Variants in MYBPC1 observed in about 807,000 individuals in gnomAD.
MYBPC1 encodes myosin-binding protein C, slow-type.
A neutral mutation model predicts 147.1 loss-of-function variants in MYBPC1; 52 were observed. The observed-to-expected ratio is 0.35, with a 90% confidence interval of 0.28 to 0.45. The LOEUF is 0.45. MYBPC1 is among the 20% of genes least tolerant of loss of function. The pLI is 1.00. For synonymous variants in MYBPC1, 477 were observed against 475.9 expected, an observed-to-expected ratio of 1.00 and a Z score of -0.03; for missense variants, 1,228 against 1,440.3, an observed-to-expected ratio of 0.85 and a Z score of 2.39.
chr12:101,633,652 A>G (rs1593796151), intron 8 of MYBPC1, among the ~76,000 whole-genome samples: 1 of 150,362 alleles, frequency 6.7e-6, no homozygotes, highest in Admixed American at 6.7e-5. Flanking sequence ...GCGCCATTGC[A>G]CTCCAGCCTG....
chr12:101,604,347 A>G (rs1447615350), intron 1 of MYBPC1, among the ~76,000 whole-genome samples: 1 of 152,246 alleles, frequency 6.6e-6, no homozygotes, highest in African/African-American at 2.4e-5. Context: ...AGGTTGAATA[A>G]TGAGTCATTG....
intron 19 of MYBPC1, 21 bp downstream of exon 19, chr12:101,659,852 C>T: frequency 6.2e-7 from 1 of 1,613,718 alleles, no homozygotes; most frequent in Non-Finnish European, 8.5e-7. Flanking sequence ...CAGGTAAACG[C>T]ACTTCTAGAA....
intron 9 of MYBPC1, among the ~76,000 whole-genome samples, chr12:101,636,252 G>A (rs1296742582): frequency 2.0e-5 from 3 of 152,104 alleles, no homozygotes; most frequent in South Asian, 4.2e-4. Flanking sequence ...GGTACACTTC[G>A]TCCTCCAAGC....
chr12:101,670,099 T>A lies in MYBPC1; in HGVS notation c.2525-222T>A, dbSNP rs1898292979. On this transcript the variant is annotated intron_variant, in intron 23 of 31. Coordinates refer to ENST00000361466, the MANE Select transcript of MYBPC1 (RefSeq NM_002465.4). ...AGGGATAAATTTTGCTGAGTCAAAC[T>A]GTTAAAACATCTCTGTGTGGAAACC... 33 of 599,652 alleles carry A rather than the reference T, an allele frequency of 5.5e-5. No homozygotes were observed. In the East Asian group the frequency reaches 9.5e-4, roughly 17 times the overall value. 37.1% of individuals were successfully genotyped at this position (599,652 alleles called of 1,614,324 possible). A position where few individuals can be genotyped will look rare whatever the true frequency, so the allele number is the denominator to read the frequency against.
intron 24 of MYBPC1, among the ~76,000 whole-genome samples, chr12:101,670,733 C>T (rs911398606): frequency 6.6e-6 from 1 of 152,114 alleles, no homozygotes; most frequent in Admixed American, 6.6e-5. Flanking sequence ...CTCTTTTGGT[C>T]CTATACGTTT....
intron 15 of MYBPC1, among the ~76,000 whole-genome samples, chr12:101,650,498 A>T (rs1894214576): frequency 6.6e-6 from 1 of 152,208 alleles, no homozygotes; most frequent in Non-Finnish European, 1.5e-5. Flanking sequence ...ACCAAGCAAA[A>T]TGGCAAAAGT....
chr12:101,659,713 C>A lies in MYBPC1; in HGVS notation c.1809C>A (p.Tyr603Ter). 1 of 1,614,056 alleles carries A rather than the reference C, an allele frequency of 6.2e-7. No homozygotes were observed. Among genetic ancestry groups the A allele is most frequent in the Non-Finnish European group, 8.5e-7 (1 of 1,179,992 alleles). ...GTGGCCGGATAAGAACAGAATCTTACCCTGATAGCAGCACTCTGGTCATTG... is the reference window on the plus strand; with the variant it reads ...GTGGCCGGATAAGAACAGAATCTTAACCTGATAGCAGCACTCTGGTCATTG... ...EGSGRIRTES[Y>*]PDSSTLVIDI... Residue 603 changes from tyrosine (Y) to a stop codon, truncating the protein, a stop_gained, in exon 19 of 32, where the codon TAC (tyrosine) becomes TAA (stop). Coordinates refer to ENST00000361466, the MANE Select transcript of MYBPC1 (RefSeq NM_002465.4). LOFTEE classifies it high-confidence loss of function.
chr12:101,646,673 T>A (rs1172026422), intron 12 of MYBPC1, 90 bp from the exon 13 acceptor site: 1 of 1,453,154 alleles, frequency 6.9e-7, no homozygotes. Flanking sequence ...TTTCAAACAC[T>A]ACCAAATTAT....
intron 10 of MYBPC1, among the ~76,000 whole-genome samples, chr12:101,642,084 A>C (rs915222587): frequency 6.6e-6 from 1 of 152,224 alleles, no homozygotes; most frequent in Non-Finnish European, 1.5e-5. Context: ...TAAGTTTCTC[A>C]AAATCCCATC....
intron 18 of MYBPC1, 125 bp downstream of exon 18, chr12:101,653,373 A>G: frequency 7.8e-7 from 1 of 1,279,092 alleles, no homozygotes; most frequent in Non-Finnish European, 1.1e-6. Flanking sequence ...GCAGTACAGT[A>G]AAGATGTAAT....
chr12:101,623,221 C>A (rs1245524397), intron 3 of MYBPC1, among the ~76,000 whole-genome samples: 3 of 152,084 alleles, frequency 2.0e-5, no homozygotes, highest in Non-Finnish European at 4.4e-5. Flanking sequence ...CGTCTGTAGT[C>A]TCAGCTACTC....
rs1478719185 is a variant in MYBPC1 at position 101,660,059 on chromosome 12, T to C, written c.1927+228T>C. 5.3e-5 allele frequency: 30 copies of C among 565,988 alleles called. No individual in the cohort carries two copies. The South Asian group carries it at 5.4e-4, about 10-fold the overall frequency. The allele number at this position is 565,988 out of a possible 1,614,324, so 35.1% of individuals were successfully genotyped here. A position where few individuals can be genotyped will look rare whatever the true frequency, so the allele number is the denominator to read the frequency against. Reference sequence around the variant, plus strand: ...AGTCATATTCCCTTTTGGTGCCCTTTAAACATCACTGAAACACAATTGCTA... The same window carrying C: ...AGTCATATTCCCTTTTGGTGCCCTTCAAACATCACTGAAACACAATTGCTA... On this transcript the variant is annotated intron_variant, in intron 19 of 31. Transcript: ENST00000361466.
chr12:101,630,823 A>G (rs1889733358), intron 6 of MYBPC1, among the ~76,000 whole-genome samples: 1 of 152,236 alleles, frequency 6.6e-6, no homozygotes, highest in Non-Finnish European at 1.5e-5. Flanking sequence ...AATTTTAACC[A>G]AATAAATCTT....
intron 24 of MYBPC1, 127 bp from the exon 25 acceptor site, chr12:101,673,300 G>A: frequency 3.3e-6 from 3 of 906,898 alleles, no homozygotes; most frequent in Non-Finnish European, 5.4e-6. Context: ...CTCACCACCA[G>A]ACTAGAAGGG....
chr12:101,642,280 T>A, intron 10 of MYBPC1, 139 bp from the exon 11 acceptor site: 1 of 874,228 alleles, frequency 1.1e-6, no homozygotes. Context: ...AAGCAAGACT[T>A]GACTTCTGGG....
At chr12:101,600,171 G>A (rs189459271) in intron 1 of MYBPC1, among the ~76,000 whole-genome samples, 1 of 152,314 alleles carries the variant, frequency 6.6e-6, no homozygotes, top group Admixed American at 6.5e-5. Flanking sequence ...ACTGTGGACT[G>A]GTCAAAGGTG....
chr12:101,644,370 C>T (rs368529524), intron 11 of MYBPC1, among the ~76,000 whole-genome samples: 10 of 152,130 alleles, frequency 6.6e-5, no homozygotes, highest in Admixed American at 3.3e-4. Flanking sequence ...TTCATCTGAA[C>T]GCTTTATAGT....
At chr12:101,628,221 T>G (rs1023348124) in intron 5 of MYBPC1, 5 of 284,874 alleles carry the variant, frequency 1.8e-5, no homozygotes, top group Non-Finnish European at 2.7e-5. Context: ...TCGACAAATT[T>G]GTACTGAGGA....
intron 25 of MYBPC1, among the ~76,000 whole-genome samples, 160 bp from the exon 26 acceptor site, chr12:101,675,132 C>T (rs904763658): frequency 6.6e-6 from 1 of 152,114 alleles, no homozygotes; most frequent in South Asian, 2.1e-4. Context: ...TGGCTCCATA[C>T]TACTGGAAGG....
Sources: gnomAD v4.1 joint callset for allele counts (sites outside exome capture counted in the v4.1 genomes callset) on GRCh38, gnomAD v4.1.1 for gene constraint, MANE v1.5 for transcripts, NCBI Gene and HGNC (gene_info 2026-07-23, HGNC 2026-07-21) for gene names.